PRDM15: variants seen among roughly 807,000 people sequenced by gnomAD.
PRDM15 encodes PR/SET domain 15.
PRDM15 carries 64 observed loss-of-function variants against 128.6 expected under a neutral mutation model. The ratio of observed to expected loss-of-function variants is 0.50; its 90% CI spans 0.41 to 0.61. The LOEUF is 0.61. PRDM15 is among the 20% of genes least tolerant of loss of function. The pLI is 0.00. For synonymous variants in PRDM15, 615 were observed against 621.8 expected, an observed-to-expected ratio of 0.99 and a Z score of 0.16; for missense variants, 1,242 against 1,569.1, an observed-to-expected ratio of 0.79 and a Z score of 3.52.
At position 41,829,653 on chromosome 21, in the gene PRDM15, T is replaced by A. The variant is rs999497918; in HGVS notation, c.1367-1320A>T. ...CACTCAATACACACCACAAATACAT[T>A]CAACACATACCACACATACACCCCA... On this transcript the variant is annotated intron_variant, in intron 11 of 23. Transcript: ENST00000398548. 1.9e-4 allele frequency among the ~76,000 whole-genome samples: 28 copies of A among 145,138 alleles called. No individual in the cohort carries two copies. The East Asian group carries it at 5.6e-3, about 29-fold the overall frequency.
At position 41,810,664 on chromosome 21, in the gene PRDM15, A is replaced by C; in HGVS notation, c.2476+89T>G. ...TGTGCTGGAACCGTCTAGATAATAG[A>C]ATAGTCGTTTCCACCCCAGCAGGCA... On this transcript the variant is annotated intron_variant, in intron 20 of 23. Coordinates refer to ENST00000398548, the MANE Select transcript of PRDM15 (RefSeq NM_001040424.3). This position sits in a 1 kb window ranked among gnomAD's most constrained non-coding sequence, Gnocchi z 6.4. 1 of 1,026,694 alleles carries C rather than the reference A, an allele frequency of 9.7e-7. No individual in the cohort carries two copies. The highest frequency in any genetic ancestry group is 1.5e-6 in the Non-Finnish European group (1 of 654,014). 63.6% of individuals were successfully genotyped at this position (1,026,694 alleles called of 1,614,324 possible).
At chr21:41,865,531 G>A (rs1171379122) in intron 1 of PRDM15, among the ~76,000 whole-genome samples, 4 of 152,032 alleles carry the variant, frequency 2.6e-5, no homozygotes, top group African/African-American at 7.2e-5. Context: ...CTGTGGACGC[G>A]AGGTCCACCC....
intron 4 of PRDM15, among the ~76,000 whole-genome samples, chr21:41,856,774 A>G (rs1304251290): frequency 6.6e-6 from 1 of 152,142 alleles, no homozygotes; most frequent in Non-Finnish European, 1.5e-5. Context: ...CTAAACAAAC[A>G]CCTTCCCTTT....
chr21:41,815,922 G>A, intron 18 of PRDM15, 86 bp from the exon 19 acceptor site: 5 of 1,562,772 alleles, frequency 3.2e-6, no homozygotes, highest in Non-Finnish European at 4.3e-6. Flanking sequence ...GGCAGGCACA[G>A]GCAGCGGCCC....
At chr21:41,864,372 A>T (rs1029834533) in intron 1 of PRDM15, among the ~76,000 whole-genome samples, 3 of 152,200 alleles carry the variant, frequency 2.0e-5, no homozygotes, top group African/African-American at 7.2e-5. Flanking sequence ...TTTGGGCTCT[A>T]GGGCAAGCCA....
intron 18 of PRDM15, among the ~76,000 whole-genome samples, chr21:41,816,901 A>G (rs2062072988): frequency 6.6e-6 from 1 of 152,112 alleles, no homozygotes; most frequent in Admixed American, 6.5e-5. Flanking sequence ...GATTAAAAAA[A>G]AAAAAAAGAG....
intron 6 of PRDM15, among the ~76,000 whole-genome samples, chr21:41,842,212 C>A (rs2063093741): frequency 6.6e-6 from 1 of 152,158 alleles, no homozygotes; most frequent in East Asian, 1.9e-4. Flanking sequence ...AATAACCAGT[C>A]CTAGCTGCAA....
chr21:41,847,137 G>A lies in PRDM15; in HGVS notation c.593C>T (p.Ala198Val), dbSNP rs749891082. 9.6e-6 allele frequency: 15 copies of A among 1,555,666 alleles called. No individual in the cohort carries two copies. The highest frequency in any genetic ancestry group is 5.9e-5 in the South Asian group (5 of 84,332). The part of the protein sequence containing the change: ...APVESEPSQW[A>V]CKVCSATFLE... ...GAAGGTGGCAGAACACACTTTACACGCCCACTGGCTGGGCTCCGACTCCAC... is the reference window on the plus strand; with the variant it reads ...GAAGGTGGCAGAACACACTTTACACACCCACTGGCTGGGCTCCGACTCCAC... The change falls in exon 6 of 24, where the codon GCG (alanine) becomes GTG (valine). Residue 198 changes from alanine (A) to valine (V), a missense_variant. Around this residue, in one of 3 missense-constraint regions of PRDM15, gnomAD observed 612 missense variants for 717.0 expected, o/e 0.85. Coordinates refer to ENST00000398548, the MANE Select transcript of PRDM15 (RefSeq NM_001040424.3).
At chr21:41,807,297 A>G (rs965009037) in intron 21 of PRDM15, among the ~76,000 whole-genome samples, 1 of 152,228 alleles carries the variant, frequency 6.6e-6, no homozygotes, top group African/African-American at 2.4e-5. Context: ...ATCAATCCTA[A>G]AAGATTCTGA....
intron 6 of PRDM15, among the ~76,000 whole-genome samples, chr21:41,844,225 C>A (rs1453828360): frequency 6.6e-6 from 1 of 152,098 alleles, no homozygotes; most frequent in Non-Finnish European, 1.5e-5. Flanking sequence ...AGTCCCTTCT[C>A]TGAAGGCTTG....
chr21:41,834,317 G>A (rs11910698), intron 11 of PRDM15, among the ~76,000 whole-genome samples: 2 of 151,916 alleles, frequency 1.3e-5, no homozygotes, highest in African/African-American at 4.8e-5. Flanking sequence ...CAGCAGCTAC[G>A]GCAAGGGAGC....
Position 41,801,519 on chromosome 21 carries a change from G to A in PRDM15, c.3147C>T (p.Ser1049=), listed in dbSNP as rs780074101. 6.2e-6 allele frequency: 10 copies of A among 1,614,104 alleles called. No individual in the cohort carries two copies. Among genetic ancestry groups the A allele is most frequent in the East Asian group, 4.5e-5 (2 of 44,894 alleles). The change falls in exon 24 of 24, where the codon AGC becomes AGT. Residue 1049 remains serine, a synonymous_variant. Coordinates refer to ENST00000398548, the MANE Select transcript of PRDM15 (RefSeq NM_001040424.3). ...SILTVTFDTV[S]GSAMLHNRQN... ...GGCGGTTGTGCAACATGGCAGAGCC[G>A]CTGACGGTATCAAAGGTCACGGTCA... is the stretch of plus-strand genomic sequence containing the variant.
chr21:41,822,584 T>G (rs377196672), intron 14 of PRDM15, among the ~76,000 whole-genome samples: 8 of 152,306 alleles, frequency 5.3e-5, no homozygotes, highest in South Asian at 4.1e-4. Context: ...TTTGGAGAGA[T>G]AAAATGCGAC....
intron 1 of PRDM15, chr21:41,878,942 G>T: frequency 1.0e-6 from 1 of 957,964 alleles, no homozygotes; most frequent in South Asian, 4.7e-5. Flanking sequence ...CGGGGGGCGC[G>T]AGGCAGGGGA....
At position 41,831,281 on chromosome 21, in the gene PRDM15, C is replaced by T. The variant is rs186156335; in HGVS notation, c.1367-2948G>A. ...CCCCCTGTCTAGGGTTTCCCTGCCT[C>T]AGCGTTTTGGGCCAGATCCTTTGTT... On this transcript the variant is annotated intron_variant, in intron 11 of 23. Coordinates refer to ENST00000398548, the MANE Select transcript of PRDM15 (RefSeq NM_001040424.3). 1.3e-3 allele frequency among the ~76,000 whole-genome samples: 196 copies of T among 152,386 alleles called. 2 individuals are homozygous for T. The highest frequency in any genetic ancestry group is 4.1e-3 in the South Asian group (20 of 4,830).
chr21:41,869,736 G>A (rs147871356), intron 1 of PRDM15, among the ~76,000 whole-genome samples: 56 of 152,298 alleles, frequency 3.7e-4, no homozygotes, highest in African/African-American at 1.3e-3. Flanking sequence ...TGAGCCACCA[G>A]GCCCAGCTAG....
At chr21:41,846,483 C>A (rs906114649) in intron 6 of PRDM15, among the ~76,000 whole-genome samples, 2 of 152,188 alleles carry the variant, frequency 1.3e-5, no homozygotes, top group Non-Finnish European at 2.9e-5. Context: ...GCAGACGGAC[C>A]GCTTGAGCCC....
chr21:41,810,586 CG>C lies in PRDM15; in HGVS notation c.2476+166del. On this transcript the variant is annotated intron_variant, in intron 20 of 23. Transcript: ENST00000398548. The surrounding 1 kb of genome is among the most constrained non-coding windows in gnomAD (Gnocchi z 6.4). The stretch of plus-strand genomic sequence containing the variant: ...AAGAAGGGATACTTGAAAGCTGTGG[CG>C]GGTTGACCTTCAGAGGCCAAGGGGC... 1.5e-6 allele frequency: 1 copy of C among 645,678 alleles called. No individual in the cohort carries two copies. Among genetic ancestry groups the C allele is most frequent in the East Asian group, 2.7e-5 (1 of 36,534 alleles). The allele number at this position is 645,678 out of a possible 1,614,324, so 40.0% of individuals were successfully genotyped here.
Position 41,860,309 on chromosome 21 carries a change from G to A in PRDM15, c.37+18C>T. On this transcript the variant is annotated intron_variant, in intron 2 of 23. Transcript: ENST00000398548. ...TAGGGCTGGTCTCGGACCTGGGACA[G>A]GTCCCTGGGTCACTTACAGATGAAC... is the stretch of plus-strand genomic sequence containing the variant. The A allele has an allele frequency of 6.2e-7, 1 of 1,609,538 alleles. No homozygotes were observed. Among genetic ancestry groups the A allele is most frequent in the Non-Finnish European group, 8.5e-7 (1 of 1,175,872 alleles).
Sources: allele counts gnomAD v4.1 joint callset (sites outside exome capture counted in the v4.1 genomes callset), GRCh38; gene constraint gnomAD v4.1.1; regional missense constraint gnomAD v4.1.1; non-coding constraint Gnocchi (gnomAD v3.1); transcripts MANE v1.5; gene names NCBI Gene and HGNC (gene_info 2026-07-23, HGNC 2026-07-21).